The following SKIC3 variants were observed in gnomAD, a reference collection of about 807,000 sequenced individuals.
SKIC3 encodes superkiller complex protein 3.
the SKIC3 span, among the ~76,000 whole-genome samples, chr5:95,473,777 C>T: frequency 6.6e-6 from 1 of 152,042 alleles, no homozygotes; most frequent in African/African-American, 2.4e-5. Flanking sequence ...TTCTTGCTTG[C>T]TGATTTACGT....
the SKIC3 span, among the ~76,000 whole-genome samples, chr5:95,492,652 G>GAAAAAAAAAAA: frequency 2.5e-3 from 123 of 48,838 alleles, 33 homozygotes; most frequent in Non-Finnish European, 2.9e-3. Flanking sequence ...AAAAAAAAAA[G>GAAAAAAAAAAA]AAAAAAAAAA....
the SKIC3 span, among the ~76,000 whole-genome samples, chr5:95,537,409 T>C: frequency 3.3e-5 from 5 of 152,236 alleles, no homozygotes; most frequent in African/African-American, 1.2e-4. Flanking sequence ...AAGTGCCTGC[T>C]GTCTCCTACA....
chr5:95,473,272 AT>A, the SKIC3 span, among the ~76,000 whole-genome samples: 1 of 151,952 alleles, frequency 6.6e-6, no homozygotes, highest in African/African-American at 2.4e-5. Flanking sequence ...AGCACCTGTT[AT>A]TTTTGTTGTT....
the SKIC3 span, chr5:95,514,792 A>T: frequency 6.6e-7 from 1 of 1,525,894 alleles, no homozygotes; most frequent in African/African-American, 1.4e-5. Context: ...TATCACTGTT[A>T]TGCATATTAG....
the SKIC3 span, among the ~76,000 whole-genome samples, chr5:95,552,837 C>T: frequency 6.6e-6 from 1 of 151,752 alleles, no homozygotes; most frequent in African/African-American, 2.4e-5. Context: ...TGAGAACTAG[C>T]TGAAGAAACT....
chr5:95,504,386 C>CT, the SKIC3 span, among the ~76,000 whole-genome samples: 1 of 151,806 alleles, frequency 6.6e-6, no homozygotes, highest in African/African-American at 2.4e-5. Flanking sequence ...TGTGTACTTC[C>CT]TTTTTTATAG....
the SKIC3 span, chr5:95,547,031 T>G: frequency 6.3e-7 from 1 of 1,590,768 alleles, no homozygotes; most frequent in Non-Finnish European, 8.6e-7. Context: ...GTAACATACT[T>G]TCATTGTGGA....
chr5:95,534,217 A>C, the SKIC3 span, among the ~76,000 whole-genome samples: 3 of 151,980 alleles, frequency 2.0e-5, no homozygotes, highest in African/African-American at 7.3e-5. Flanking sequence ...TATCAGGAAA[A>C]AAAAAAAAAA....
chr5:95,468,815 G>A, the SKIC3 span, among the ~76,000 whole-genome samples: 1 of 152,146 alleles, frequency 6.6e-6, no homozygotes, highest in Non-Finnish European at 1.5e-5. Flanking sequence ...AAAGATTATT[G>A]GGGTAGGGGG....
At chr5:95,481,294 T>G in the SKIC3 span, among the ~76,000 whole-genome samples, 1 of 152,130 alleles carries the variant, frequency 6.6e-6, no homozygotes, top group South Asian at 2.1e-4. Context: ...GTTCTCATGA[T>G]AGCGAATAAG....
the SKIC3 span, among the ~76,000 whole-genome samples, chr5:95,551,103 G>A: frequency 6.6e-6 from 1 of 151,988 alleles, no homozygotes; most frequent in Non-Finnish European, 1.5e-5. Flanking sequence ...GGAACATAAG[G>A]AGTATAATAT....
At chr5:95,541,513 C>A in the SKIC3 span, 1 of 883,634 alleles carries the variant, frequency 1.1e-6, no homozygotes, top group Non-Finnish European at 1.8e-6. Context: ...TAGAACATAT[C>A]TTCTTTCATA....
the SKIC3 span, among the ~76,000 whole-genome samples, chr5:95,516,063 T>A: frequency 6.6e-6 from 1 of 152,138 alleles, no homozygotes; most frequent in South Asian, 2.1e-4. Flanking sequence ...GTGTACAGAT[T>A]TAAAAAAATG....
chr5:95,509,824 T>TTACTGA, the SKIC3 span: 5 of 663,528 alleles, frequency 7.5e-6, no homozygotes, highest in Non-Finnish European at 1.4e-5. Context: ...GTGGCCTGAT[T>TTACTGA]TTATCTTGAA....
chr5:95,523,839 GAAAT>G, the SKIC3 span: 3 of 1,612,024 alleles, frequency 1.9e-6, no homozygotes, highest in Non-Finnish European at 2.5e-6. Flanking sequence ...TGCAGCCTTT[GAAAT>G]AAATATTGAT....
At chr5:95,524,347 A>G in the SKIC3 span, 5 of 1,425,120 alleles carry the variant, frequency 3.5e-6, no homozygotes, top group East Asian at 2.5e-5. Flanking sequence ...CTGACATATG[A>G]AAGATAAAGC....
the SKIC3 span, among the ~76,000 whole-genome samples, chr5:95,529,932 A>G: frequency 6.6e-6 from 1 of 152,160 alleles, no homozygotes; most frequent in Non-Finnish European, 1.5e-5. Flanking sequence ...TGATAAGCAG[A>G]GTCAGAGTTC....
At chr5:95,502,809 G>T in the SKIC3 span, 1 of 1,592,298 alleles carries the variant, frequency 6.3e-7, no homozygotes, top group South Asian at 1.1e-5. Context: ...AAGAACTTAC[G>T]CTTTCTCCAA....
the SKIC3 span, chr5:95,495,203 A>C: frequency 1.3e-4 from 78 of 596,146 alleles, no homozygotes; most frequent in Middle Eastern, 4.5e-4. Context: ...AATCTTGTGA[A>C]AGGAAATCTT....
Sources: gnomAD v4.1 joint callset for allele counts (sites outside exome capture counted in the v4.1 genomes callset) on GRCh38, gnomAD v4.1.1 for gene constraint, MANE v1.5 for transcripts, NCBI Gene and HGNC (gene_info 2026-07-23, HGNC 2026-07-21) for gene names.